NOL4: variants seen among roughly 807,000 people sequenced by gnomAD.
The protein encoded by NOL4 is nucleolar protein 4, also known as cancer/testis antigen 125.
In NOL4, 17 loss-of-function variants were observed where a neutral mutation model predicts 75.9. The observed-to-expected ratio is 0.22, with a 90% CI of 0.15 to 0.34. The LOEUF (loss-of-function observed/expected upper bound fraction) is 0.34, where lower values mean the gene tolerates loss of function less well. NOL4 is among the 10% of genes least tolerant of loss of function. The pLI is 1.00. For synonymous variants in NOL4, 292 were observed against 289.9 expected (o/e 1.01, Z -0.07); for missense variants, 614 against 793.5 (o/e 0.77, Z 2.72).
At chr18:33,914,661 T>C (rs35063527) in intron 9 of NOL4, among the ~76,000 whole-genome samples, 31,347 of 151,778 alleles carry the variant, frequency 0.21, 3,591 homozygotes, top group East Asian at 0.4. Context: ...AGATTGACTT[T>C]TGGACATATT....
chr18:33,899,129 G>T (rs1046437000), intron 9 of NOL4, among the ~76,000 whole-genome samples: 1 of 152,062 alleles, frequency 6.6e-6, no homozygotes, highest in Non-Finnish European at 1.5e-5. Flanking sequence ...AGATAAAGAG[G>T]GTGAATACAC....
At chr18:34,148,255 G>C (rs2081493831) in intron 1 of NOL4, among the ~76,000 whole-genome samples, 1 of 151,906 alleles carries the variant, frequency 6.6e-6, no homozygotes, top group Admixed American at 6.6e-5. Flanking sequence ...TCTTCTGCTA[G>C]CTTTTGAATT....
intron 6 of NOL4, among the ~76,000 whole-genome samples, chr18:34,002,001 C>A (rs1440779085): frequency 1.3e-5 from 2 of 152,114 alleles, no homozygotes; most frequent in Non-Finnish European, 2.9e-5. Context: ...CACACAGAAA[C>A]CTACCTTAGT....
At chr18:34,110,766 C>T (rs2079549010) in intron 2 of NOL4, among the ~76,000 whole-genome samples, 1 of 151,894 alleles carries the variant, frequency 6.6e-6, no homozygotes, top group Non-Finnish European at 1.5e-5. Flanking sequence ...GTGAAATTAT[C>T]TTATAGACAG....
chr18:34,154,502 T>C (rs866903337), intron 1 of NOL4, among the ~76,000 whole-genome samples: 2 of 152,076 alleles, frequency 1.3e-5, no homozygotes, highest in African/African-American at 2.4e-5. Context: ...ATACATGCTG[T>C]AGTGTGTAGA....
At chr18:34,071,325 A>G (rs747487287) in intron 5 of NOL4, among the ~76,000 whole-genome samples, 1 of 152,140 alleles carries the variant, frequency 6.6e-6, no homozygotes, top group Non-Finnish European at 1.5e-5. Flanking sequence ...TATAATATAG[A>G]TACATATTGA....
At chr18:33,888,985 A>G (rs943613275) in intron 9 of NOL4, among the ~76,000 whole-genome samples, 3 of 152,102 alleles carry the variant, frequency 2.0e-5, no homozygotes, top group Admixed American at 2.0e-4. Flanking sequence ...CAAACAAATC[A>G]AAAGCTAGCA....
intron 9 of NOL4, among the ~76,000 whole-genome samples, chr18:33,892,758 A>T (rs1415626116): frequency 6.6e-6 from 1 of 152,010 alleles, no homozygotes. Context: ...CCCAGGCTCA[A>T]GTGATCCTCT....
intron 10 of NOL4, among the ~76,000 whole-genome samples, chr18:33,861,697 A>G (rs2063143130): frequency 6.6e-6 from 1 of 152,154 alleles, no homozygotes; most frequent in Admixed American, 6.5e-5. Context: ...AAATACCTAG[A>G]AATCCACCTT....
chr18:34,001,707 G>A (rs1157269235), intron 6 of NOL4: 1 of 152,196 alleles, frequency 6.6e-6, no homozygotes, highest in Non-Finnish European at 1.5e-5. Flanking sequence ...TTTTAGGCCT[G>A]TCAAGTGAAG....
chr18:33,899,641 T>C (rs773976430), intron 9 of NOL4, among the ~76,000 whole-genome samples: 4 of 152,042 alleles, frequency 2.6e-5, no homozygotes, highest in Non-Finnish European at 4.4e-5. Flanking sequence ...TATTGAAAAA[T>C]CTCTATGAGT....
rs371992302 is a variant in NOL4 at position 34,130,344 on chromosome 18, G to T, written c.265-324C>A. Among the ~76,000 whole-genome samples, 93 of 151,716 alleles carry T rather than the reference G, an allele frequency of 6.1e-4. 1 individual carries two copies. In the South Asian group the frequency reaches 6.9e-3, roughly 11 times the overall value. On this transcript the variant is annotated intron_variant, in intron 1 of 10. Transcript: ENST00000261592. ...AAATTATTTTAAAATATATTTTGAGGCCCAGTAATTTTTTATTGTAATAAT... is the reference window on the plus strand; with the variant it reads ...AAATTATTTTAAAATATATTTTGAGTCCCAGTAATTTTTTATTGTAATAAT...
chr18:34,191,597 A>G (rs2034920986), intron 1 of NOL4, among the ~76,000 whole-genome samples: 1 of 152,086 alleles, frequency 6.6e-6, no homozygotes. Context: ...CTCCGGCTTC[A>G]TGTTTGCTTG....
chr18:33,923,233 G>C (rs781730484), intron 9 of NOL4, among the ~76,000 whole-genome samples: 18 of 152,108 alleles, frequency 1.2e-4, no homozygotes, highest in Admixed American at 3.9e-4. Flanking sequence ...ATAAGGTCAT[G>C]ATTTAGAAAC....
intron 6 of NOL4, among the ~76,000 whole-genome samples, chr18:33,968,181 T>C (rs1160590092): frequency 6.6e-6 from 1 of 152,178 alleles, no homozygotes; most frequent in African/African-American, 2.4e-5. Context: ...ACACTGTTGA[T>C]AGGAATGTAA....
intron 2 of NOL4, among the ~76,000 whole-genome samples, chr18:34,122,811 T>G (rs1453829917): frequency 6.6e-6 from 1 of 152,036 alleles, no homozygotes; most frequent in African/African-American, 2.4e-5. Context: ...TTTAAGAAAT[T>G]TGGTCATTTT....
chr18:33,867,348 G>A (rs1454840124), intron 10 of NOL4, among the ~76,000 whole-genome samples: 1 of 151,990 alleles, frequency 6.6e-6, no homozygotes, highest in Non-Finnish European at 1.5e-5. Context: ...AGTTATCAGT[G>A]CTCTAACAAA....
intron 10 of NOL4, among the ~76,000 whole-genome samples, chr18:33,862,691 C>G (rs1451235396): frequency 2.6e-5 from 4 of 152,184 alleles, no homozygotes; most frequent in Non-Finnish European, 5.9e-5. Context: ...CACTGGCCAT[C>G]AGAGAAATGC....
At chr18:34,096,128 C>A (rs556880581) in intron 4 of NOL4, among the ~76,000 whole-genome samples, 2 of 151,978 alleles carry the variant, frequency 1.3e-5, no homozygotes, top group South Asian at 4.2e-4. Flanking sequence ...CTCTTGCCAG[C>A]ATACATTTTA....
Sources: gnomAD v4.1 joint callset for allele counts (sites outside exome capture counted in the v4.1 genomes callset) on GRCh38, gnomAD v4.1.1 for gene constraint, MANE v1.5 for transcripts, NCBI Gene and HGNC (gene_info 2026-07-23, HGNC 2026-07-21) for gene names.